CFAP77: variants seen among roughly 807,000 people sequenced by gnomAD.
The protein encoded by CFAP77 is cilia- and flagella-associated protein 77.
CFAP77 carries 25 observed loss-of-function variants against 31.1 expected under a neutral mutation model. The ratio of observed to expected loss-of-function variants is 0.80; its 90% CI spans 0.59 to 1.12. The LOEUF (loss-of-function observed/expected upper bound fraction) is 1.12. Ranked by LOEUF, CFAP77 falls within the 50% of genes most tolerant of loss-of-function variation. CFAP77 has a pLI of 0.00. For missense variants in CFAP77, 377 were observed against 397.3 expected (o/e 0.95, Z 0.44); for synonymous variants, 151 against 159.9 (o/e 0.94, Z 0.42).
At position 132,455,665 on chromosome 9, in the gene CFAP77, A is replaced by G. The variant is rs542230130; in HGVS notation, c.196-43030A>G. On this transcript the variant is annotated intron_variant, in intron 1 of 5. Transcript: ENST00000393216. This position sits in a 1 kb window ranked among gnomAD's most constrained non-coding sequence, Gnocchi z 4.1. ...AGGATCGCTTGAGCCTGGGAGGCGGAGGTTGTAGTGAGTTGAGATCGCACT... is the reference window on the plus strand; with the variant it reads ...AGGATCGCTTGAGCCTGGGAGGCGGGGGTTGTAGTGAGTTGAGATCGCACT... Among the ~76,000 whole-genome samples, 3 of 152,282 alleles carry G rather than the reference A, an allele frequency of 2.0e-5. No homozygotes were observed. Among genetic ancestry groups the G allele is most frequent in the South Asian group, 4.1e-4 (2 of 4,828 alleles).
chr9:132,492,766 G>A (rs933251367), intron 1 of CFAP77, among the ~76,000 whole-genome samples: 5 of 152,242 alleles, frequency 3.3e-5, no homozygotes, highest in Admixed American at 3.3e-4. Context: ...GCAGGTGGGT[G>A]TCCAGTTAGC....
intron 1 of CFAP77, among the ~76,000 whole-genome samples, chr9:132,487,071 G>T (rs1191812109): frequency 6.6e-6 from 1 of 152,240 alleles, no homozygotes; most frequent in Non-Finnish European, 1.5e-5. Context: ...GGCTCCCCAC[G>T]GTCCGCGGCT....
intron 1 of CFAP77, among the ~76,000 whole-genome samples, chr9:132,486,943 G>A (rs956537208): frequency 3.9e-5 from 6 of 152,262 alleles, no homozygotes; most frequent in African/African-American, 1.4e-4. Flanking sequence ...CCGGAAGGGA[G>A]GCCGGGCTGC....
intron 1 of CFAP77, among the ~76,000 whole-genome samples, chr9:132,417,228 C>T (rs1437531172): frequency 6.6e-6 from 1 of 151,594 alleles, no homozygotes; most frequent in Non-Finnish European, 1.5e-5. Flanking sequence ...AATTCTCTTG[C>T]CTCAATCTCC....
intron 3 of CFAP77, among the ~76,000 whole-genome samples, chr9:132,503,549 CTG>C (rs1438978010): frequency 2.0e-5 from 3 of 152,176 alleles, no homozygotes; most frequent in Non-Finnish European, 2.9e-5. Context: ...TCACAGCACT[CTG>C]TGATTCTCAG....
At chr9:132,456,099 G>A (rs375088468) in intron 1 of CFAP77, among the ~76,000 whole-genome samples, 45 of 152,270 alleles carry the variant, frequency 3.0e-4, no homozygotes, top group African/African-American at 1.0e-3. Flanking sequence ...GCTGAGTGTC[G>A]GGTACTATCC....
rs376082888 is a variant in CFAP77, at chr9:132,412,506, G to T, written c.195+2040G>T. On this transcript the variant is annotated intron_variant, in intron 1 of 5. Transcript: ENST00000393216. ...ATAAATAAAAGTTGGCAGAGAAATTGACCGCAAAAGGGAACCTTGACTGTT... is the reference window on the plus strand; with the variant it reads ...ATAAATAAAAGTTGGCAGAGAAATTTACCGCAAAAGGGAACCTTGACTGTT... 1.8e-4 allele frequency among the ~76,000 whole-genome samples: 28 copies of T among 152,234 alleles called. No homozygotes were observed. In the East Asian group the frequency reaches 2.5e-3, roughly 14 times the overall value.
At chr9:132,428,217 C>G (rs1461430627) in intron 1 of CFAP77, among the ~76,000 whole-genome samples, 2 of 151,866 alleles carry the variant, frequency 1.3e-5, no homozygotes, top group East Asian at 1.9e-4. Context: ...CCAGTGTTAC[C>G]CAGTCTGTTC....
intron 1 of CFAP77, among the ~76,000 whole-genome samples, chr9:132,459,977 C>T (rs1192692483): frequency 7.9e-5 from 12 of 151,950 alleles, no homozygotes; most frequent in Admixed American, 7.9e-4. Flanking sequence ...TGCGTGTATA[C>T]TTCTTAAAGA....
intron 1 of CFAP77, among the ~76,000 whole-genome samples, chr9:132,425,220 C>T (rs374547753): frequency 7.2e-5 from 11 of 152,172 alleles, no homozygotes; most frequent in Admixed American, 1.3e-4. Flanking sequence ...CAATACTCAG[C>T]GGCCTGAGGT....
intron 5 of CFAP77, among the ~76,000 whole-genome samples, chr9:132,546,562 C>T (rs1008254347): frequency 3.5e-4 from 54 of 152,358 alleles, no homozygotes; most frequent in African/African-American, 1.3e-3. Flanking sequence ...GCACCGACAC[C>T]GCCAGCCACG....
rs937775874 is a variant in CFAP77, at chr9:132,564,749, A to T, written c.733-7639A>T. On this transcript the variant is annotated intron_variant, in intron 5 of 5. Coordinates refer to ENST00000393216, the MANE Select transcript of CFAP77 (RefSeq NM_001282957.2). This position sits in a 1 kb window ranked among gnomAD's most constrained non-coding sequence, Gnocchi z 4.6. ...AAATGTCAAAGGTACAATTAAGGAT[A>T]TCAATCAAATGAAAAGTTGGTTCAT... is the stretch of plus-strand genomic sequence containing the variant. 6.6e-6 allele frequency among the ~76,000 whole-genome samples: 1 copy of T among 152,260 alleles called. No homozygotes were observed. The highest frequency in any genetic ancestry group is 2.4e-5 in the African/African-American group (1 of 41,460).
At chr9:132,434,520 C>T (rs960337927) in intron 1 of CFAP77, among the ~76,000 whole-genome samples, 4 of 152,102 alleles carry the variant, frequency 2.6e-5, no homozygotes, top group African/African-American at 9.7e-5. Flanking sequence ...GATGTATTTT[C>T]GATCCAAACT....
At chr9:132,550,711 T>C (rs1201068672) in intron 5 of CFAP77, among the ~76,000 whole-genome samples, 1 of 151,834 alleles carries the variant, frequency 6.6e-6, no homozygotes, top group Admixed American at 6.6e-5. Context: ...AAACAGGGTC[T>C]CACTATGTTG....
In CFAP77 at chr9:132,520,027, C is replaced by T. The variant is rs556932742; in HGVS notation, c.525-17574C>T. Among the ~76,000 whole-genome samples the T allele has an allele frequency of 1.6e-4, 25 of 151,912 alleles. No individual in the cohort carries two copies. In the South Asian group the frequency reaches 4.8e-3, roughly 29 times the overall value. On this transcript the variant is annotated intron_variant, in intron 3 of 5. Coordinates refer to ENST00000393216, the MANE Select transcript of CFAP77 (RefSeq NM_001282957.2). Reference sequence around the variant, plus strand: ...ATGAGGTGCACTGCCCTTCTGCTGTCCCCTTCCTCCCCCTGAAATGTCCTT... The same window carrying T: ...ATGAGGTGCACTGCCCTTCTGCTGTTCCCTTCCTCCCCCTGAAATGTCCTT...
At position 132,490,295 on chromosome 9, in the gene CFAP77, C is replaced by T. The variant is rs941538541; in HGVS notation, c.196-8400C>T. Among the ~76,000 whole-genome samples, 2 of 152,190 alleles carry T rather than the reference C, an allele frequency of 1.3e-5. No individual in the cohort carries two copies. Among genetic ancestry groups the T allele is most frequent in the Admixed American group, 6.5e-5 (1 of 15,280 alleles). ...AGCATGACTTTGGAGGCGATAAAAA[C>T]ATTCAGACCATAGCACCATGGAAAA... On this transcript the variant is annotated intron_variant, in intron 1 of 5. Coordinates refer to ENST00000393216, the MANE Select transcript of CFAP77 (RefSeq NM_001282957.2). This position sits in a 1 kb window ranked among gnomAD's most constrained non-coding sequence, Gnocchi z 4.6.
At chr9:132,412,643 T>C (rs919345177) in intron 1 of CFAP77, among the ~76,000 whole-genome samples, 1 of 152,014 alleles carries the variant, frequency 6.6e-6, no homozygotes, top group Non-Finnish European at 1.5e-5. Context: ...TGTTTGTTTG[T>C]TTTGCTCAAG....
chr9:132,541,735 C>G (rs570596249), intron 4 of CFAP77, among the ~76,000 whole-genome samples: 1 of 152,052 alleles, frequency 6.6e-6, no homozygotes, highest in African/African-American at 2.4e-5. Context: ...CACAAAAAAA[C>G]GGGTAGGGGG....
intron 1 of CFAP77, among the ~76,000 whole-genome samples, chr9:132,419,693 CT>C (rs1467092593): frequency 6.6e-6 from 1 of 151,332 alleles, no homozygotes; most frequent in Non-Finnish European, 1.5e-5. Flanking sequence ...TTTTTTTTTC[CT>C]TTTTATGCAT....
Sources: allele counts gnomAD v4.1 joint callset (sites outside exome capture counted in the v4.1 genomes callset), GRCh38; gene constraint gnomAD v4.1.1; non-coding constraint Gnocchi (gnomAD v3.1); transcripts MANE v1.5; gene names NCBI Gene and HGNC (gene_info 2026-07-23, HGNC 2026-07-21).